Variants in GFRA2 observed in about 807,000 individuals in gnomAD.
GFRA2 encodes GDNF family receptor alpha-2.
GFRA2 carries 17 observed loss-of-function variants against 48.3 expected under a neutral mutation model. That is an observed-to-expected ratio of 0.35 (90% confidence interval 0.24 to 0.53). The LOEUF is 0.53. Ranked by LOEUF, GFRA2 falls within the 20% of genes least tolerant of loss-of-function variation. The pLI is 0.93. For synonymous variants in GFRA2, 305 were observed against 257.2 expected (o/e 1.19, Z -1.78); for missense variants, 660 against 637.3 (o/e 1.04, Z -0.38).
chr8:21,713,042 A>AC (rs1803145601), intron 4 of GFRA2, among the ~76,000 whole-genome samples: 1 of 131,124 alleles, frequency 7.6e-6, no homozygotes, highest in African/African-American at 3.6e-5. Context: ...GAGACGAGGG[A>AC]GAGGGAGAGG....
At chr8:21,760,985 T>G (rs1337098400) in intron 3 of GFRA2, among the ~76,000 whole-genome samples, 1 of 151,922 alleles carries the variant, frequency 6.6e-6, no homozygotes, top group Non-Finnish European at 1.5e-5. Context: ...GTAGAATAAA[T>G]AAACTCTCAG....
At chr8:21,741,920 C>CAAAAAAAA (rs74424608) in intron 4 of GFRA2, among the ~76,000 whole-genome samples, 1 of 105,178 alleles carries the variant, frequency 9.5e-6, no homozygotes. Context: ...GACTCCATCT[C>CAAAAAAAA]AAAAAAAAAA....
intron 4 of GFRA2, among the ~76,000 whole-genome samples, chr8:21,712,698 G>A (rs1217119227): frequency 1.3e-5 from 2 of 152,204 alleles, no homozygotes; most frequent in African/African-American, 4.8e-5. Flanking sequence ...TCACGCCACT[G>A]CACTCCAGCC....
At chr8:21,784,863 G>A (rs755245277) in intron 1 of GFRA2, among the ~76,000 whole-genome samples, 232 of 152,250 alleles carry the variant, frequency 1.5e-3, no homozygotes, top group Non-Finnish European at 2.4e-3. Flanking sequence ...TTTCTTCCCC[G>A]GCTTCAGCAG....
At chr8:21,736,164 A>G (rs970024594) in intron 4 of GFRA2, among the ~76,000 whole-genome samples, 5 of 152,246 alleles carry the variant, frequency 3.3e-5, no homozygotes, top group Non-Finnish European at 7.3e-5. Context: ...TGGCAGGCTC[A>G]GGTCCAGACA....
At chr8:21,801,061 G>A (rs1807761478) in intron 2 of GFRA2, among the ~76,000 whole-genome samples, 1 of 152,068 alleles carries the variant, frequency 6.6e-6, no homozygotes, top group Non-Finnish European at 1.5e-5. Context: ...AAAACAATCA[G>A]CCCCTGCTGG....
At chr8:21,785,804 C>T (rs1807242247) in intron 1 of GFRA2, among the ~76,000 whole-genome samples, 1 of 152,148 alleles carries the variant, frequency 6.6e-6, no homozygotes, top group Non-Finnish European at 1.5e-5. Context: ...CCAGACCTCA[C>T]TCAGAATCTC....
At chr8:21,775,989 C>CTGTGTGTT (rs1215891458) in intron 2 of GFRA2, among the ~76,000 whole-genome samples, 66 of 126,478 alleles carry the variant, frequency 5.2e-4, no homozygotes, top group African/African-American at 1.7e-3. Flanking sequence ...CACTCATCCT[C>CTGTGTGTT]TGTGTGTGTG....
intron 5 of GFRA2, among the ~76,000 whole-genome samples, chr8:21,705,641 C>T (rs944155160): frequency 1.3e-5 from 2 of 152,210 alleles, no homozygotes; most frequent in African/African-American, 4.8e-5. Flanking sequence ...CTGCTCAGTG[C>T]AGAGCCTGGA....
chr8:21,698,000 G>A (rs994911667), intron 7 of GFRA2, among the ~76,000 whole-genome samples: 5 of 152,144 alleles, frequency 3.3e-5, no homozygotes, highest in South Asian at 2.1e-4. Context: ...TATTAGCAGC[G>A]TGAGAACAGA....
rs1382121559 is a variant in GFRA2, at chr8:21,691,258, G to C, written c.*2020C>G. ...TGGGTATATATTCACACGTGCACGT[G>C]AACATGTGCGAGCCTGCACACGACC... On this transcript the variant is annotated 3_prime_UTR_variant, in exon 9 of 9. Transcript: ENST00000524240. 6.6e-6 allele frequency: 1 copy of C among 152,142 alleles called. No homozygotes were observed. The highest frequency in any genetic ancestry group is 1.5e-5 in the Non-Finnish European group (1 of 68,032). The allele number at this position is 152,142 out of a possible 1,614,324, so 9.4% of individuals were successfully genotyped here. A position where few individuals can be genotyped will look rare whatever the true frequency, so the allele number is the denominator to read the frequency against.
intron 4 of GFRA2, among the ~76,000 whole-genome samples, chr8:21,740,446 A>G (rs1256130905): frequency 1.3e-5 from 2 of 152,218 alleles, no homozygotes; most frequent in African/African-American, 2.4e-5. Flanking sequence ...AAGGCCCTCC[A>G]CGTCCCCAAA....
rs145141550 is a variant in GFRA2 at position 21,806,747 on chromosome 8, A to G, written c.-147-1619T>C. 2.6e-5 allele frequency among the ~76,000 whole-genome samples: 4 copies of G among 152,362 alleles called. No individual in the cohort carries two copies. The East Asian group carries it at 7.7e-4, about 29-fold the overall frequency. On this transcript the variant is annotated intron_variant, in intron 1 of 10. Transcript: ENST00000517328. ...CTCCCAAAGCACTGGGATTACAGGT[A>G]CAAGCCACCATTCCTGGCCTAAATG...
At chr8:21,775,246 T>G (rs1461986812) in intron 2 of GFRA2, among the ~76,000 whole-genome samples, 191 bp from the exon 3 acceptor site, 1 of 152,118 alleles carries the variant, frequency 6.6e-6, no homozygotes, top group Non-Finnish European at 1.5e-5. Context: ...TGTTTAGCAT[T>G]TCATCTGGGC....
In GFRA2 at chr8:21,782,571, C is replaced by T; in HGVS notation, c.355+14G>A. 6.4e-7 allele frequency: 1 copy of T among 1,550,526 alleles called. No homozygotes were observed. The highest frequency in any genetic ancestry group is 8.7e-7 in the Non-Finnish European group (1 of 1,144,428). On this transcript the variant is annotated intron_variant, in intron 2 of 8. Transcript: ENST00000524240. ...CACACCCCCTCCCCTTGGGCAAGCC[C>T]CGCCCAGGCTTACCCTCGGTCAGCC...
At position 21,788,305 on chromosome 8, in the gene GFRA2, C is replaced by G. The variant is rs917782510; in HGVS notation, c.-146G>C. ...CCCAGCTAGTCCACCCGATGAAGATCCCGAGTCCTGCGATTCTCGCCTCTG... is the reference window on the plus strand; with the variant it reads ...CCCAGCTAGTCCACCCGATGAAGATGCCGAGTCCTGCGATTCTCGCCTCTG... On this transcript the variant is annotated 5_prime_UTR_variant, in exon 1 of 9. Transcript: ENST00000524240. The G allele has an allele frequency of 7.2e-7, 1 of 1,390,336 alleles. No homozygotes were observed. Among genetic ancestry groups the G allele is most frequent in the Non-Finnish European group, 9.3e-7 (1 of 1,071,310 alleles). 86.1% of individuals were successfully genotyped at this position (1,390,336 alleles called of 1,614,324 possible).
upstream of GFRA2, chr8:21,790,125 G>T: frequency 1.0e-6 from 1 of 984,244 alleles, no homozygotes; most frequent in African/African-American, 1.7e-5. Context: ...CTAAAAGGAA[G>T]CGTCTGGCTG....
Position 21,788,449 on chromosome 8 carries a change from C to T in GFRA2, c.-290G>A. 3 of 1,168,182 alleles carry T rather than the reference C, an allele frequency of 2.6e-6. No individual in the cohort carries two copies. Among genetic ancestry groups the T allele is most frequent in the East Asian group, 4.5e-5 (1 of 22,432 alleles). The allele number at this position is 1,168,182 out of a possible 1,614,324, so 72.4% of individuals were successfully genotyped here. ...CGGCTTTCTAAGCCAACAGCCCAGT[C>T]CTGGGGTCAGCCCTCCCCTCCAATC... On this transcript the variant is annotated 5_prime_UTR_variant, in exon 1 of 9. Transcript: ENST00000524240.
Position 21,783,086 on chromosome 8 carries a change from T to C in GFRA2, c.41-187A>G, listed in dbSNP as rs1031103749. 4.4e-5 allele frequency: 31 copies of C among 708,742 alleles called. No individual in the cohort carries two copies. In the East Asian group the frequency reaches 7.8e-4, roughly 18 times the overall value. The allele number at this position is 708,742 out of a possible 1,614,324, so 43.9% of individuals were successfully genotyped here. A position where few individuals can be genotyped will look rare whatever the true frequency, so the allele number is the denominator to read the frequency against. ...AACTCAGGCATCATCCTCCCCTGGA[T>C]GTAGGAGCAAGTTTTCTCCCTTTGC... On this transcript the variant is annotated intron_variant, in intron 1 of 8. Coordinates refer to ENST00000524240, the MANE Select transcript of GFRA2 (RefSeq NM_001495.5).
Sources: allele counts gnomAD v4.1 joint callset (sites outside exome capture counted in the v4.1 genomes callset), GRCh38; gene constraint gnomAD v4.1.1; transcripts MANE v1.5; gene names NCBI Gene and HGNC (gene_info 2026-07-23, HGNC 2026-07-21).